Variants in ROBO2 observed in about 807,000 individuals in gnomAD.
ROBO2 encodes the protein roundabout guidance receptor 2.
A neutral mutation model predicts 160.8 loss-of-function variants in ROBO2; 53 were observed. The observed-to-expected ratio is 0.33, with a 90% CI of 0.26 to 0.41. The LOEUF is 0.41. ROBO2 is among the 10% of genes least tolerant of loss of function. ROBO2 has a pLI of 1.00. For synonymous variants in ROBO2, 664 were observed against 611.7 expected, an observed-to-expected ratio of 1.09 and a Z score of -1.26; for missense variants, 1,577 against 1,722.4, an observed-to-expected ratio of 0.92 and a Z score of 1.49.
At chr3:77,505,634 C>G (rs2088388673) in intron 5 of ROBO2, among the ~76,000 whole-genome samples, 1 of 151,962 alleles carries the variant, frequency 6.6e-6, no homozygotes, top group Non-Finnish European at 1.5e-5. Context: ...ATTCCTAATT[C>G]TGGAGGTGTT....
intron 2 of ROBO2, among the ~76,000 whole-genome samples, chr3:76,707,017 C>CATAT (rs141826647): frequency 1.4e-4 from 21 of 150,158 alleles, no homozygotes; most frequent in African/African-American, 2.2e-4. Flanking sequence ...TATATGTATA[C>CATAT]ATATATATAT....
intron 2 of ROBO2, among the ~76,000 whole-genome samples, chr3:77,289,453 T>C (rs1176599666): frequency 4.1e-5 from 6 of 146,686 alleles, no homozygotes; most frequent in Admixed American, 3.4e-4. Flanking sequence ...GTAAAATTGA[T>C]GGTTAAATGG....
intron 2 of ROBO2, among the ~76,000 whole-genome samples, chr3:76,571,666 A>G (rs547110511): frequency 6.6e-6 from 1 of 152,286 alleles, no homozygotes; most frequent in Non-Finnish European, 1.5e-5. Flanking sequence ...TTAACATTAC[A>G]TAATTAATTA....
chr3:76,240,454 A>AT (rs912871442), intron 2 of ROBO2, among the ~76,000 whole-genome samples: 2 of 152,142 alleles, frequency 1.3e-5, no homozygotes, highest in African/African-American at 4.8e-5. Context: ...TTCAGTGGGG[A>AT]TTTTTATGAT....
At chr3:76,783,421 T>TCA (rs3040095) in intron 2 of ROBO2, among the ~76,000 whole-genome samples, 70,128 of 150,318 alleles carry the variant, frequency 0.47, 17,480 homozygotes, top group African/African-American at 0.65. Flanking sequence ...TGATGAAATC[T>TCA]CAGTGTTTGT....
intron 2 of ROBO2, among the ~76,000 whole-genome samples, chr3:76,319,561 GA>G (rs1364568998): frequency 2.0e-5 from 3 of 151,696 alleles, no homozygotes; most frequent in Admixed American, 6.6e-5. Flanking sequence ...TATTTTTGGG[GA>G]AAAAAAGTAT....
intron 2 of ROBO2, among the ~76,000 whole-genome samples, chr3:76,429,928 G>A (rs929325534): frequency 1.3e-5 from 2 of 152,098 alleles, no homozygotes; most frequent in African/African-American, 2.4e-5. Flanking sequence ...TGGTGAGGGC[G>A]AGAACAGCAA....
At chr3:76,552,591 A>G (rs2083481829) in intron 2 of ROBO2, among the ~76,000 whole-genome samples, 2 of 152,226 alleles carry the variant, frequency 1.3e-5, no homozygotes, top group African/African-American at 4.8e-5. Flanking sequence ...TGATATTCAA[A>G]AAACAATAAA....
chr3:76,508,025 A>C (rs2080884293), intron 2 of ROBO2, among the ~76,000 whole-genome samples: 1 of 152,200 alleles, frequency 6.6e-6, no homozygotes, highest in South Asian at 2.1e-4. Flanking sequence ...ACTTATCTAA[A>C]GTAAAATCAT....
chr3:75,988,283 G>T (rs373592987), intron 2 of ROBO2, among the ~76,000 whole-genome samples: 19 of 151,902 alleles, frequency 1.3e-4, no homozygotes, highest in East Asian at 9.7e-4. Flanking sequence ...CTAGGAATTT[G>T]TCGATTTCAT....
At chr3:76,015,675 C>G (rs975095278) in intron 2 of ROBO2, among the ~76,000 whole-genome samples, 8 of 152,126 alleles carry the variant, frequency 5.3e-5, no homozygotes, top group African/African-American at 1.9e-4. Context: ...CGCACACAAT[C>G]CATTTGTTGC....
chr3:75,934,956 G>A (rs956488548), intron 1 of ROBO2, among the ~76,000 whole-genome samples: 1 of 152,082 alleles, frequency 6.6e-6, no homozygotes, highest in Admixed American at 6.6e-5. Context: ...TTGATGAGTG[G>A]ATCTGGATAT....
chr3:76,951,276 A>G (rs950992126), intron 2 of ROBO2, among the ~76,000 whole-genome samples: 17 of 152,204 alleles, frequency 1.1e-4, no homozygotes, highest in African/African-American at 4.1e-4. Flanking sequence ...GTGTCTTTCC[A>G]ACACATTTGT....
At chr3:76,798,693 A>C (rs1001179409) in intron 2 of ROBO2, among the ~76,000 whole-genome samples, 2 of 152,120 alleles carry the variant, frequency 1.3e-5, no homozygotes, top group Non-Finnish European at 2.9e-5. Flanking sequence ...GGAGTTTGCC[A>C]CCAGCCTGGG....
intron 2 of ROBO2, among the ~76,000 whole-genome samples, chr3:76,679,749 T>A (rs577549469): frequency 1.8e-4 from 27 of 152,286 alleles, no homozygotes; most frequent in African/African-American, 6.5e-4. Flanking sequence ...GTGAAATTCT[T>A]TGTGTCTTTT....
intron 2 of ROBO2, among the ~76,000 whole-genome samples, chr3:76,126,383 A>G (rs1021578800): frequency 6.6e-6 from 1 of 152,162 alleles, no homozygotes; most frequent in Admixed American, 6.5e-5. Context: ...TAAAGCTTAT[A>G]TATTCACGGT....
At chr3:77,490,249 C>T (rs529782385) in intron 4 of ROBO2, among the ~76,000 whole-genome samples, 122 of 151,698 alleles carry the variant, frequency 8.0e-4, no homozygotes, top group Non-Finnish European at 1.4e-3. Context: ...TACAGGTGCC[C>T]GCCACCGCCC....
intron 2 of ROBO2, among the ~76,000 whole-genome samples, chr3:77,032,252 A>T (rs1323056681): frequency 1.3e-5 from 2 of 152,174 alleles, no homozygotes; most frequent in Admixed American, 1.3e-4. Flanking sequence ...ACATTAGCCT[A>T]TCCTGGGTGA....
Position 77,367,247 on chromosome 3 carries a change from A to G in ROBO2, c.389-110167A>G, listed in dbSNP as rs1432031195. 2.0e-5 allele frequency among the ~76,000 whole-genome samples: 3 copies of G among 152,138 alleles called. No homozygotes were observed. In the East Asian group the frequency reaches 5.8e-4, roughly 29 times the overall value. On this transcript the variant is annotated intron_variant, in intron 2 of 25. Transcript: ENST00000461745. ...ACCTTTAAGCCAGAGATATGCACAT[A>G]ACTCTTATTGAAATTATGATTAAGC...
Sources: allele counts gnomAD v4.1 joint callset (sites outside exome capture counted in the v4.1 genomes callset), GRCh38; gene constraint gnomAD v4.1.1; transcripts MANE v1.5; gene names NCBI Gene and HGNC (gene_info 2026-07-23, HGNC 2026-07-21).